The following RGS6 variants were observed in gnomAD, a reference collection of about 807,000 sequenced individuals.
The protein encoded by RGS6 is regulator of G protein signaling 6.
A neutral mutation model predicts 78.5 loss-of-function variants in RGS6; 30 were observed. That is an observed-to-expected ratio of 0.38 (90% CI 0.29 to 0.52). The LOEUF (loss-of-function observed/expected upper bound fraction) is 0.52, where lower values mean the gene tolerates loss of function less well. Among genes scored for constraint, RGS6 ranks in the 20% least tolerant of loss-of-function variants. The pLI, the probability that RGS6 is intolerant of heterozygous loss-of-function variation, is 0.85. For missense variants in RGS6, 495 were observed against 609.7 expected, an observed-to-expected ratio of 0.81 and a Z score of 1.98; for synonymous variants, 206 against 206.0, an observed-to-expected ratio of 1.00 and a Z score of 0.00.
At position 72,361,034 on chromosome 14, in the gene RGS6, G is replaced by A. The variant is rs545205195; in HGVS notation, c.184+8840G>A. 6.0e-5 allele frequency among the ~76,000 whole-genome samples: 9 copies of A among 148,980 alleles called. No homozygotes were observed. The East Asian group carries it at 1.8e-3, about 30-fold the overall frequency. ...GCTTCCCTTTTCGCCATGATTGTAA[G>A]TTTCCTGAGGTCTCCCTAGCCATAC... On this transcript the variant is annotated intron_variant, in intron 3 of 17. Coordinates refer to ENST00000553525, the MANE Select transcript of RGS6 (RefSeq NM_001204424.2).
At chr14:72,105,075 A>G (rs970432975) in intron 2 of RGS6, among the ~76,000 whole-genome samples, 10 of 152,212 alleles carry the variant, frequency 6.6e-5, no homozygotes, top group South Asian at 4.1e-4. Flanking sequence ...TACTAGCCCT[A>G]TGGGAATCAG....
intron 2 of RGS6, among the ~76,000 whole-genome samples, chr14:72,035,728 A>G (rs1242745156): frequency 6.6e-6 from 1 of 152,174 alleles, no homozygotes; most frequent in Admixed American, 6.6e-5. Flanking sequence ...TCACAGTAGC[A>G]TTTGTGCCCT....
At chr14:72,328,087 G>A (rs1220054882) in intron 2 of RGS6, among the ~76,000 whole-genome samples, 1 of 152,174 alleles carries the variant, frequency 6.6e-6, no homozygotes, top group Admixed American at 6.5e-5. Flanking sequence ...CAGGGCAGGA[G>A]AAAAGCTGGA....
At chr14:72,613,556 A>G in the RGS6 span, among the ~76,000 whole-genome samples, 3 of 152,200 alleles carry the variant, frequency 2.0e-5, no homozygotes, top group Non-Finnish European at 4.4e-5. Flanking sequence ...GAGCAGAGAA[A>G]GGGAAGGAGT....
rs556484343 is a variant in RGS6, at chr14:72,423,097, G to A, written c.185-31431G>A. 4.5e-4 allele frequency among the ~76,000 whole-genome samples: 68 copies of A among 152,366 alleles called. 1 individual carries two copies. In the South Asian group the frequency reaches 0.011, roughly 26 times the overall value. ...CAGGTGAGTCAGAGAGTTGAGTCACGTGGGAGGTAGTTTAGAAAAGGATTT... is the reference window on the plus strand; with the variant it reads ...CAGGTGAGTCAGAGAGTTGAGTCACATGGGAGGTAGTTTAGAAAAGGATTT... On this transcript the variant is annotated intron_variant, in intron 3 of 17. Coordinates refer to ENST00000553525, the MANE Select transcript of RGS6 (RefSeq NM_001204424.2).
At chr14:72,482,043 G>C (rs1427658382) in intron 12 of RGS6, among the ~76,000 whole-genome samples, 1 of 152,042 alleles carries the variant, frequency 6.6e-6, no homozygotes, top group South Asian at 2.1e-4. Flanking sequence ...ATCTCCTGAC[G>C]TCGTGATCCG....
intron 3 of RGS6, among the ~76,000 whole-genome samples, chr14:72,354,530 G>A (rs1270093469): frequency 6.6e-6 from 1 of 151,898 alleles, no homozygotes; most frequent in Admixed American, 6.6e-5. Context: ...CAGCTACTTG[G>A]GAGGCTGAGG....
In RGS6 at chr14:72,488,888, T is replaced by C. The variant is rs2096535605; in HGVS notation, c.855-6264T>C. Among the ~76,000 whole-genome samples, 3 of 151,958 alleles carry C rather than the reference T, an allele frequency of 2.0e-5. No individual in the cohort carries two copies. The South Asian group carries it at 6.2e-4, about 32-fold the overall frequency. On this transcript the variant is annotated intron_variant, in intron 12 of 17. Coordinates refer to ENST00000553525, the MANE Select transcript of RGS6 (RefSeq NM_001204424.2). ...CTGCTAGAACACATTTGGGGAGGGG[T>C]CTGATAAAAACCCCAGCCTGTCTCA...
At chr14:72,002,982 C>T (rs764877549) in intron 2 of RGS6, among the ~76,000 whole-genome samples, 2 of 152,128 alleles carry the variant, frequency 1.3e-5, no homozygotes, top group Non-Finnish European at 2.9e-5. Context: ...GGAACTGGCC[C>T]AAGAAACTGC....
chr14:72,021,444 T>C (rs1442850359), intron 2 of RGS6, among the ~76,000 whole-genome samples: 1 of 151,828 alleles, frequency 6.6e-6, no homozygotes, highest in Non-Finnish European at 1.5e-5. Flanking sequence ...TATGTTTTTT[T>C]TCTTTTTTCC....
intron 17 of RGS6, chr14:72,552,459 G>A (rs778455583): frequency 8.5e-5 from 13 of 152,240 alleles, no homozygotes; most frequent in Non-Finnish European, 1.6e-4. Flanking sequence ...GCCGCCTACT[G>A]AGTTGAAGGA....
At chr14:72,619,432 C>T in the RGS6 span, 1 of 1,495,926 alleles carries the variant, frequency 6.7e-7, no homozygotes. Context: ...ACCCCACTGG[C>T]CCTAACTTCT....
intron 2 of RGS6, among the ~76,000 whole-genome samples, chr14:71,993,429 G>A (rs1337193223): frequency 6.6e-6 from 1 of 152,124 alleles, no homozygotes; most frequent in Non-Finnish European, 1.5e-5. Context: ...ATAATGAAAT[G>A]AATAGTTACT....
chr14:71,886,085 G>C, the RGS6 span, among the ~76,000 whole-genome samples: 1 of 151,444 alleles, frequency 6.6e-6, no homozygotes, highest in East Asian at 1.9e-4. Context: ...AAGGGAAATT[G>C]ATCATATCAT....
intron 11 of RGS6, among the ~76,000 whole-genome samples, chr14:72,477,449 C>T: frequency 6.6e-6 from 1 of 151,328 alleles, no homozygotes; most frequent in East Asian, 2.0e-4. Flanking sequence ...TTGCCCTTGA[C>T]AAGTTTATTA....
At chr14:72,511,949 T>G (rs1222319256) in intron 14 of RGS6, 1 of 152,228 alleles carries the variant, frequency 6.6e-6, no homozygotes, top group Non-Finnish European at 1.5e-5. Flanking sequence ...TCTAATACTC[T>G]TCACTAGGGT....
intron 16 of RGS6, among the ~76,000 whole-genome samples, chr14:72,537,336 G>C (rs1019121145): frequency 6.6e-6 from 1 of 152,164 alleles, no homozygotes; most frequent in African/African-American, 2.4e-5. Context: ...CATGTGCCAG[G>C]ATCCTGTCTG....
In RGS6 at chr14:72,273,989, A is replaced by G. The variant is rs75456600; in HGVS notation, c.85-78106A>G. The stretch of plus-strand genomic sequence containing the variant: ...ATTTAGAACCATTTGTTTCTGCTCA[A>G]TGGTTCTCAAATGAACAGTATTTCC... On this transcript the variant is annotated intron_variant, in intron 2 of 17. Coordinates refer to ENST00000553525, the MANE Select transcript of RGS6 (RefSeq NM_001204424.2). 9.2e-3 allele frequency among the ~76,000 whole-genome samples: 1,407 copies of G among 152,302 alleles called. 21 individuals carry two copies. The highest frequency in any genetic ancestry group is 0.032 in the African/African-American group (1,313 of 41,554).
intron 2 of RGS6, among the ~76,000 whole-genome samples, chr14:72,132,542 G>A (rs1235548131): frequency 6.6e-6 from 1 of 152,114 alleles, no homozygotes; most frequent in Non-Finnish European, 1.5e-5. Context: ...GCCTCCCAAA[G>A]TGCTGGGATT....
Sources: gnomAD v4.1 joint callset for allele counts (sites outside exome capture counted in the v4.1 genomes callset) on GRCh38, gnomAD v4.1.1 for gene constraint, MANE v1.5 for transcripts, NCBI Gene and HGNC (gene_info 2026-07-23, HGNC 2026-07-21) for gene names.